Variants in CCDC125 observed in about 807,000 individuals in gnomAD.
The protein encoded by CCDC125 is coiled-coil domain-containing protein 125.
CCDC125 carries 43 observed loss-of-function variants against 57.4 expected under a neutral mutation model. The observed-to-expected ratio is 0.75, with a 90% CI of 0.59 to 0.97. The LOEUF (loss-of-function observed/expected upper bound fraction) is 0.97, where lower values mean the gene tolerates loss of function less well. Among genes scored for constraint, CCDC125 ranks in the 50% least tolerant of loss-of-function variants. The pLI is 0.00. For missense variants in CCDC125, 563 were observed against 595.7 expected, an observed-to-expected ratio of 0.95 and a Z score of 0.57; for synonymous variants, 187 against 195.2, an observed-to-expected ratio of 0.96 and a Z score of 0.35.
Position 69,283,510 on chromosome 5 carries a change from G to A in CCDC125, c.1231-476C>T, listed in dbSNP as rs569659594. Among the ~76,000 whole-genome samples, 215 of 143,834 alleles carry A rather than the reference G, an allele frequency of 1.5e-3. 1 individual carries two copies. Among genetic ancestry groups the A allele is most frequent in the East Asian group, 5.2e-3 (25 of 4,796 alleles). The allele number at this position is 143,834 out of a possible 152,430, so 94.4% of individuals were successfully genotyped here. On this transcript the variant is annotated intron_variant, in intron 11 of 11. Coordinates refer to ENST00000396496, the MANE Select transcript of CCDC125 (RefSeq NM_176816.5). ...GCTGGGATTACAGGCGTGAGCCACCGTGCCCGGCCAATTCTTTTTTTTTTT... is the reference window on the plus strand; with the variant it reads ...GCTGGGATTACAGGCGTGAGCCACCATGCCCGGCCAATTCTTTTTTTTTTT...
chr5:69,283,458 G>A (rs562735378), intron 11 of CCDC125, among the ~76,000 whole-genome samples: 3 of 151,910 alleles, frequency 2.0e-5, no homozygotes, highest in Non-Finnish European at 2.9e-5. Context: ...CTGACCTTGT[G>A]ATCAGCCCAC....
chr5:69,314,149 C>T (rs867043026), intron 2 of CCDC125, 103 bp from the exon 3 acceptor site: 1 of 795,570 alleles, frequency 1.3e-6, no homozygotes, highest in Middle Eastern at 3.4e-4. Context: ...ACAGGTATCC[C>T]CTAAATTGCA....
chr5:69,331,521 C>T (rs879786129), intron 1 of CCDC125, among the ~76,000 whole-genome samples: 8 of 151,954 alleles, frequency 5.3e-5, no homozygotes, highest in East Asian at 2.0e-4. Flanking sequence ...TGAGCCACTG[C>T]GCCCAGCCGA....
chr5:69,330,592 T>TG (rs1554031938), intron 1 of CCDC125, among the ~76,000 whole-genome samples: 1 of 148,048 alleles, frequency 6.8e-6, no homozygotes, highest in Non-Finnish European at 1.5e-5. Flanking sequence ...AGACTCCATC[T>TG]AAAAAAAAAA....
chr5:69,274,090 C>T, the CCDC125 span, among the ~76,000 whole-genome samples: 1 of 152,010 alleles, frequency 6.6e-6, no homozygotes, highest in Admixed American at 6.6e-5. Flanking sequence ...ATATTATTTC[C>T]ATCATAATAA....
At chr5:69,329,499 C>CTTTTTTT (rs535306741) in intron 1 of CCDC125, among the ~76,000 whole-genome samples, 1 of 95,320 alleles carries the variant, frequency 1.0e-5, no homozygotes, top group Non-Finnish European at 2.1e-5. Context: ...GGATTCAAGT[C>CTTTTTTT]TTTTTTTTTT....
intron 1 of CCDC125, among the ~76,000 whole-genome samples, chr5:69,323,253 A>G (rs1405320629): frequency 3.3e-5 from 5 of 151,906 alleles, no homozygotes; most frequent in African/African-American, 7.2e-5. Context: ...AGGTTGCAGT[A>G]AGCCGAGATT....
chr5:69,282,867 A>G lies in CCDC125; in HGVS notation c.1398T>C (p.Val466=). ...NPWRKTSEFS[V]LGDPIHSSVC... ...CACTTGAATGTATAGGATCACCCAA[A>G]ACAGAGAATTCTGAAGTCTTACGCC... The change falls in exon 12 of 12, where the codon GTT becomes GTC. Residue 466 remains valine (V), a synonymous_variant. Transcript: ENST00000396496. 1 of 1,614,162 alleles carries G rather than the reference A, an allele frequency of 6.2e-7. No homozygotes were observed. Among genetic ancestry groups the G allele is most frequent in the South Asian group, 1.1e-5 (1 of 91,084 alleles).
chr5:69,313,777 G>C lies in CCDC125; in HGVS notation c.366+208C>G, dbSNP rs1332330821. On this transcript the variant is annotated intron_variant, in intron 3 of 11. Transcript: ENST00000396496. Reference sequence around the variant, plus strand: ...TCAGGCGGAAGAGCACCGCCTTCTTGCGCTTCTTCAACTTCTCTGGTGTTG... The same window carrying C: ...TCAGGCGGAAGAGCACCGCCTTCTTCCGCTTCTTCAACTTCTCTGGTGTTG... 1.3e-5 allele frequency: 10 copies of C among 789,330 alleles called. No individual in the cohort carries two copies. In the Admixed American group the frequency reaches 1.5e-4, roughly 12 times the overall value. 48.9% of individuals were successfully genotyped at this position (789,330 alleles called of 1,614,324 possible). A position where few individuals can be genotyped will look rare whatever the true frequency, so the allele number is the denominator to read the frequency against.
chr5:69,325,823 C>T (rs1468145628), intron 1 of CCDC125, among the ~76,000 whole-genome samples: 1 of 50,100 alleles, frequency 2.0e-5, no homozygotes, highest in African/African-American at 7.4e-5. Flanking sequence ...AACCCTCTGT[C>T]TCAAAAAAAA....
Position 69,311,099 on chromosome 5 carries a change from T to C in CCDC125, c.453+19A>G. On this transcript the variant is annotated intron_variant, in intron 4 of 11. Coordinates refer to ENST00000396496, the MANE Select transcript of CCDC125 (RefSeq NM_176816.5). ...TATTGGAATGTGTAAATGGTGAAAG[T>C]TTAAAAACAACTTCTTACCATGCTT... 1 of 1,545,102 alleles carries C rather than the reference T, an allele frequency of 6.5e-7. No individual in the cohort carries two copies.
rs529507446 is a variant in CCDC125, at chr5:69,284,621, A to C, written c.1230+716T>G. On this transcript the variant is annotated intron_variant, in intron 11 of 11. Coordinates refer to ENST00000396496, the MANE Select transcript of CCDC125 (RefSeq NM_176816.5). ...GAGCTGAGGGAGATAAAGATCATGA[A>C]GGTAGAGTCTGGTACTCCAACTGGG... Among the ~76,000 whole-genome samples the C allele has an allele frequency of 3.0e-3, 464 of 152,330 alleles. 5 individuals carry two copies. The highest frequency in any genetic ancestry group is 0.011 in the African/African-American group (452 of 41,574).
intron 1 of CCDC125, among the ~76,000 whole-genome samples, chr5:69,323,347 T>C (rs1188786015): frequency 6.6e-6 from 1 of 152,022 alleles, no homozygotes; most frequent in South Asian, 2.1e-4. Flanking sequence ...ATCAAAAAGG[T>C]ATCATATTTG....
chr5:69,325,553 C>T (rs1272796546), intron 1 of CCDC125, among the ~76,000 whole-genome samples: 1 of 149,720 alleles, frequency 6.7e-6, no homozygotes, highest in African/African-American at 2.5e-5. Context: ...GGGCTGGGCA[C>T]AGTGGCTCAC....
intron 9 of CCDC125, among the ~76,000 whole-genome samples, chr5:69,292,964 TC>T (rs1310128289): frequency 1.3e-5 from 2 of 149,884 alleles, no homozygotes; most frequent in African/African-American, 4.9e-5. Flanking sequence ...CCTCTGCCTC[TC>T]GAGTAGCTGG....
chr5:69,281,826 A>G lies in CCDC125; in HGVS notation c.*903T>C, dbSNP rs1052542985. 5.3e-5 allele frequency: 8 copies of G among 152,034 alleles called. No homozygotes were observed. Among genetic ancestry groups the G allele is most frequent in the Non-Finnish European group, 7.4e-5 (5 of 68,020 alleles). The allele number at this position is 152,034 out of a possible 1,614,324, so 9.4% of individuals were successfully genotyped here. A position where few individuals can be genotyped will look rare whatever the true frequency, so the allele number is the denominator to read the frequency against. On this transcript the variant is annotated 3_prime_UTR_variant, in exon 12 of 12. Transcript: ENST00000396496. ...CCCTATAGTCAATCAAAATAGTTAA[A>G]TAATTTTTTGTTTTTCCCAAAAATC...
chr5:69,294,899 A>G lies in CCDC125; in HGVS notation c.818T>C (p.Leu273Pro). 6.2e-7 allele frequency: 1 copy of G among 1,612,294 alleles called. No homozygotes were observed. Residue 273 changes from leucine to proline, a missense_variant and splice_region_variant, in exon 9 of 12, where the codon CTT (leucine) becomes CCT (proline). Transcript: ENST00000396496. The stretch of plus-strand genomic sequence containing the variant: ...ACAAAGGCAGGCTCCGAGGACCGCA[A>G]GCTTTAAATTGAAAAGCATTGCTCC... Reference protein sequence around the residue: ...SGFAEASGLELAVLGACLCHG... With the variant: ...SGFAEASGLEPAVLGACLCHG...
chr5:69,311,257 A>C (rs1758091055), intron 3 of CCDC125, 53 bp from the exon 4 acceptor site: 7 of 1,113,866 alleles, frequency 6.3e-6, no homozygotes, highest in Non-Finnish European at 9.4e-6. Flanking sequence ...GCAACCCTAA[A>C]ATTATCAGTT....
chr5:69,302,622 G>A (rs1756671202), intron 7 of CCDC125, among the ~76,000 whole-genome samples: 1 of 151,518 alleles, frequency 6.6e-6, no homozygotes, highest in Non-Finnish European at 1.5e-5. Context: ...CTACTCAGGA[G>A]GCTGAGGCAG....
Sources: allele counts gnomAD v4.1 joint callset (sites outside exome capture counted in the v4.1 genomes callset), GRCh38; gene constraint gnomAD v4.1.1; transcripts MANE v1.5; gene names NCBI Gene and HGNC (gene_info 2026-07-23, HGNC 2026-07-21).